VPS13C: variants seen among roughly 807,000 people sequenced by gnomAD.
The protein encoded by VPS13C is intermembrane lipid transfer protein VPS13C.
In VPS13C, 358 loss-of-function variants were observed where a neutral mutation model predicts 456.8. The observed-to-expected ratio is 0.78, with a 90% CI of 0.72 to 0.86. The LOEUF (loss-of-function observed/expected upper bound fraction) is 0.86. Ranked by LOEUF, VPS13C falls within the 40% of genes least tolerant of loss-of-function variation. VPS13C has a pLI of 0.00. For missense variants in VPS13C, 4,818 were observed against 4,385.4 expected (o/e 1.10, Z -2.79); for synonymous variants, 1,578 against 1,486.7 (o/e 1.06, Z -1.41).
intron 47 of VPS13C, among the ~76,000 whole-genome samples, chr15:61,937,638 C>T (rs1412874265): frequency 6.6e-6 from 1 of 152,148 alleles, no homozygotes; most frequent in Non-Finnish European, 1.5e-5. Flanking sequence ...CCACGCCCGG[C>T]TAATTTTTTG....
At chr15:61,919,857 C>T (rs550906699) in intron 57 of VPS13C, among the ~76,000 whole-genome samples, 3 of 148,430 alleles carry the variant, frequency 2.0e-5, no homozygotes, top group South Asian at 2.1e-4. Flanking sequence ...TTTAAGGGCA[C>T]AAAAATAATC....
chr15:61,972,323 T>C lies in VPS13C; in HGVS notation c.2757+302A>G, dbSNP rs746625435. The stretch of plus-strand genomic sequence containing the variant: ...AGTTTAAAAAATTAAAGTAGGCATG[T>C]CATAAAAATTTTCTGCAGAAAAGTA... On this transcript the variant is annotated intron_variant, in intron 27 of 84. Coordinates refer to ENST00000644861, the MANE Select transcript of VPS13C (RefSeq NM_020821.3). Among the ~76,000 whole-genome samples, 66 of 152,190 alleles carry C rather than the reference T, an allele frequency of 4.3e-4. 1 individual carries two copies. The highest frequency in any genetic ancestry group is 2.1e-4 in the Non-Finnish European group (14 of 68,020).
Position 61,852,815 on chromosome 15 carries a change from G to A in VPS13C, c.*1642C>T, listed in dbSNP as rs941574770. 3 of 152,028 alleles carry A rather than the reference G, an allele frequency of 2.0e-5. No individual in the cohort carries two copies. The highest frequency in any genetic ancestry group is 2.9e-5 in the Non-Finnish European group (2 of 67,990). 9.4% of individuals were successfully genotyped at this position (152,028 alleles called of 1,614,324 possible). A position where few individuals can be genotyped will look rare whatever the true frequency, so the allele number is the denominator to read the frequency against. On this transcript the variant is annotated 3_prime_UTR_variant, in exon 85 of 85. Coordinates refer to ENST00000644861, the MANE Select transcript of VPS13C (RefSeq NM_020821.3). ...ATGACAAACAGAGATCAAACATTTA[G>A]GGCATTAGTTACTGCATTCTCTTTT...
intron 15 of VPS13C, among the ~76,000 whole-genome samples, chr15:62,005,400 C>A (rs938386280): frequency 3.9e-5 from 6 of 152,166 alleles, no homozygotes; most frequent in Admixed American, 6.5e-5. Context: ...TTATTTTGAG[C>A]CTATTTTTGT....
intron 34 of VPS13C, 118 bp from the exon 35 acceptor site, chr15:61,962,011 G>A (rs898644836): frequency 1.7e-6 from 2 of 1,145,888 alleles, no homozygotes; most frequent in East Asian, 2.5e-5. Flanking sequence ...ACTTTCCATT[G>A]AGCCCTATTT....
chr15:61,930,102 G>A (rs1008555711), intron 50 of VPS13C, among the ~76,000 whole-genome samples: 4 of 152,132 alleles, frequency 2.6e-5, no homozygotes, highest in Admixed American at 6.5e-5. Context: ...AATCAGTGTA[G>A]TCACACAAAA....
chr15:62,040,198 T>C (rs1163671716), intron 3 of VPS13C, among the ~76,000 whole-genome samples: 1 of 152,076 alleles, frequency 6.6e-6, no homozygotes, highest in East Asian at 1.9e-4. Context: ...GAACAATGGT[T>C]ACCAGAAGCT....
intron 67 of VPS13C, among the ~76,000 whole-genome samples, chr15:61,887,403 C>T (rs1481238064): frequency 6.6e-6 from 1 of 152,196 alleles, no homozygotes; most frequent in Non-Finnish European, 1.5e-5. Context: ...AACACCTGGA[C>T]ATCCATATGC....
intron 16 of VPS13C, among the ~76,000 whole-genome samples, chr15:62,000,161 A>T (rs1567091422): frequency 6.6e-6 from 1 of 152,154 alleles, no homozygotes; most frequent in Non-Finnish European, 1.5e-5. Context: ...CAGGAATTCA[A>T]GACCAGGCTG....
chr15:61,961,994 A>ATATT, intron 34 of VPS13C, 101 bp from the exon 35 acceptor site: 3 of 1,305,242 alleles, frequency 2.3e-6, no homozygotes, highest in Non-Finnish European at 3.1e-6. Context: ...TTTTTTTCCA[A>ATATT]TATTTAACTT....
Position 61,907,391 on chromosome 15 carries a change from C to T in VPS13C, c.8979-1G>A. The T allele has an allele frequency of 1.2e-6, 2 of 1,613,472 alleles. No individual in the cohort carries two copies. The highest frequency in any genetic ancestry group is 4.5e-5 in the East Asian group (2 of 44,858). Reference sequence around the variant, plus strand: ...CAAGACCATTTCTTCTGGTGACCCACTAAAACACAATGAACAGAGAGAAAA... The same window carrying T: ...CAAGACCATTTCTTCTGGTGACCCATTAAAACACAATGAACAGAGAGAAAA... On this transcript the variant is annotated splice_acceptor_variant, in intron 65 of 84. Coordinates refer to ENST00000644861, the MANE Select transcript of VPS13C (RefSeq NM_020821.3). LOFTEE classifies it high-confidence loss of function.
At chr15:62,000,964 T>C (rs964507551) in intron 15 of VPS13C, among the ~76,000 whole-genome samples, 1 of 152,198 alleles carries the variant, frequency 6.6e-6, no homozygotes, top group African/African-American at 2.4e-5. Context: ...TGATTCTTAC[T>C]TCTAACTCCC....
intron 66 of VPS13C, among the ~76,000 whole-genome samples, chr15:61,902,598 T>C (rs1354266492): frequency 6.7e-6 from 1 of 149,194 alleles, no homozygotes; most frequent in Non-Finnish European, 1.5e-5. Context: ...ACAAAAACCA[T>C]GTGATCATTT....
chr15:61,875,286 A>G (rs984101570), intron 76 of VPS13C, among the ~76,000 whole-genome samples: 2 of 152,038 alleles, frequency 1.3e-5, no homozygotes, highest in Non-Finnish European at 2.9e-5. Context: ...GAGCCCACAG[A>G]TTTTTTTACT....
chr15:61,932,909 A>G (rs752930366), intron 49 of VPS13C, among the ~76,000 whole-genome samples: 9 of 152,188 alleles, frequency 5.9e-5, no homozygotes, highest in Non-Finnish European at 1.2e-4. Flanking sequence ...TCTTTCCATA[A>G]TATGAAATTC....
rs145582500 is a variant in VPS13C, at chr15:61,902,362, C to T, written c.9105+4902G>A. ...ACTCTTCAAAAAAAAAACTGCAGAG[C>T]GGGGAATACTTCTAAACTCATTTTA... is the stretch of plus-strand genomic sequence containing the variant. On this transcript the variant is annotated intron_variant, in intron 66 of 84. Coordinates refer to ENST00000644861, the MANE Select transcript of VPS13C (RefSeq NM_020821.3). Among the ~76,000 whole-genome samples the T allele has an allele frequency of 7.7e-3, 1,161 of 150,972 alleles. 7 individuals are homozygous for T. Among genetic ancestry groups the T allele is most frequent in the Non-Finnish European group, 0.012 (817 of 67,770 alleles).
At chr15:62,000,838 A>C (rs1037794099) in intron 15 of VPS13C, among the ~76,000 whole-genome samples, 8 of 152,150 alleles carry the variant, frequency 5.3e-5, no homozygotes, top group South Asian at 2.1e-4. Flanking sequence ...AATCCTCATT[A>C]AATATAGTAT....
At chr15:61,943,430 A>C (rs2044495867) in intron 45 of VPS13C, among the ~76,000 whole-genome samples, 1 of 152,186 alleles carries the variant, frequency 6.6e-6, no homozygotes, top group Non-Finnish European at 1.5e-5. Flanking sequence ...AAACAGACCA[A>C]GGGAACAGAA....
chr15:61,970,965 T>C (rs1042253941), intron 27 of VPS13C, among the ~76,000 whole-genome samples: 6 of 148,696 alleles, frequency 4.0e-5, no homozygotes, highest in African/African-American at 1.5e-4. Flanking sequence ...AGGAAAAACA[T>C]AAGACAAGTG....
Sources: gnomAD v4.1 joint callset for allele counts (sites outside exome capture counted in the v4.1 genomes callset) on GRCh38, gnomAD v4.1.1 for gene constraint, MANE v1.5 for transcripts, NCBI Gene and HGNC (gene_info 2026-07-23, HGNC 2026-07-21) for gene names.